Variants in CHSY3 observed in about 807,000 individuals in gnomAD.
CHSY3 encodes N-acetylgalactosaminyl-proteoglycan 3-beta-glucuronosyltransferase 3.
CHSY3 carries 35 observed loss-of-function variants against 67.2 expected under a neutral mutation model. That is an observed-to-expected ratio of 0.52 (90% CI 0.40 to 0.69). The LOEUF (loss-of-function observed/expected upper bound fraction) is 0.69, where lower values mean the gene tolerates loss of function less well. Among genes scored for constraint, CHSY3 ranks in the 30% least tolerant of loss-of-function variants. The probability of loss-of-function intolerance (pLI) is 0.00; values close to 1 mark genes in which losing one functional copy is unlikely to be tolerated. For missense variants in CHSY3, 1,069 were observed against 1,138.5 expected (o/e 0.94, Z 0.88); for synonymous variants, 474 against 434.7 (o/e 1.09, Z -1.12).
At chr5:130,052,726 C>A (rs1329316077) in intron 2 of CHSY3, among the ~76,000 whole-genome samples, 1 of 152,120 alleles carries the variant, frequency 6.6e-6, no homozygotes, top group Non-Finnish European at 1.5e-5. Flanking sequence ...AGGCTTTTCA[C>A]ATCTTAATAC....
chr5:130,090,737 C>T (rs897856398), intron 2 of CHSY3, among the ~76,000 whole-genome samples: 2 of 152,076 alleles, frequency 1.3e-5, no homozygotes, highest in African/African-American at 2.4e-5. Flanking sequence ...GAGTTTGTTT[C>T]CCGTTAAGAC....
intron 2 of CHSY3, among the ~76,000 whole-genome samples, chr5:130,103,642 T>C (rs1170794110): frequency 6.6e-6 from 1 of 152,010 alleles, no homozygotes; most frequent in Non-Finnish European, 1.5e-5. Context: ...TGTGTATACA[T>C]GTATGAATTA....
chr5:130,153,002 G>A (rs527515121), intron 2 of CHSY3, among the ~76,000 whole-genome samples: 9 of 152,158 alleles, frequency 5.9e-5, no homozygotes, highest in African/African-American at 1.4e-4. Flanking sequence ...AGGCTGAGGC[G>A]GGCAGATCAC....
intron 2 of CHSY3, among the ~76,000 whole-genome samples, chr5:130,075,167 C>T (rs1766210236): frequency 1.3e-5 from 2 of 152,082 alleles, no homozygotes; most frequent in African/African-American, 2.4e-5. Flanking sequence ...TAAAATGTTT[C>T]AGGCTTAGAG....
chr5:129,954,879 A>T (rs185999792), intron 2 of CHSY3, among the ~76,000 whole-genome samples: 14 of 151,782 alleles, frequency 9.2e-5, no homozygotes, highest in African/African-American at 2.7e-4. Context: ...ATATATATAT[A>T]TTTTTTTGAG....
At chr5:129,920,016 T>G (rs1485662977) in intron 2 of CHSY3, among the ~76,000 whole-genome samples, 1 of 152,170 alleles carries the variant, frequency 6.6e-6, no homozygotes, top group Non-Finnish European at 1.5e-5. Context: ...ATTAACCATG[T>G]TTACCATGCT....
chr5:130,048,352 C>T (rs1765217268), intron 2 of CHSY3, among the ~76,000 whole-genome samples: 1 of 151,968 alleles, frequency 6.6e-6, no homozygotes, highest in Non-Finnish European at 1.5e-5. Context: ...TATTCCTGCT[C>T]CTTGATGAGT....
chr5:130,035,225 G>T (rs1201967364), intron 2 of CHSY3, among the ~76,000 whole-genome samples: 1 of 151,984 alleles, frequency 6.6e-6, no homozygotes. Flanking sequence ...TGGTAACTTG[G>T]GCCAGGATAA....
At chr5:130,087,691 C>T (rs1173169209) in intron 2 of CHSY3, among the ~76,000 whole-genome samples, 1 of 152,002 alleles carries the variant, frequency 6.6e-6, no homozygotes, top group Non-Finnish European at 1.5e-5. Context: ...AGGAGAACTA[C>T]AAACCACTGC....
intron 2 of CHSY3, among the ~76,000 whole-genome samples, chr5:130,053,177 G>T (rs959511864): frequency 6.6e-6 from 1 of 152,136 alleles, no homozygotes; most frequent in Non-Finnish European, 1.5e-5. Context: ...TAGCTGGTCT[G>T]TATAGAGTTA....
intron 2 of CHSY3, among the ~76,000 whole-genome samples, chr5:130,011,836 A>G (rs933411609): frequency 1.3e-5 from 2 of 152,338 alleles, no homozygotes; most frequent in Admixed American, 1.3e-4. Context: ...GCTGAGAGCT[A>G]AATCAAGAAG....
chr5:130,120,794 G>T (rs1411405097), intron 2 of CHSY3, among the ~76,000 whole-genome samples: 1 of 152,174 alleles, frequency 6.6e-6, no homozygotes, highest in East Asian at 1.9e-4. Flanking sequence ...GTGAGGGAGG[G>T]AGAAAACATT....
At chr5:130,025,503 G>T (rs1188238853) in intron 2 of CHSY3, among the ~76,000 whole-genome samples, 2 of 152,064 alleles carry the variant, frequency 1.3e-5, no homozygotes, top group African/African-American at 4.8e-5. Flanking sequence ...CGGAATCAAA[G>T]AGAAACAGTG....
intron 2 of CHSY3, among the ~76,000 whole-genome samples, chr5:130,044,437 G>C (rs762158338): frequency 1.3e-5 from 2 of 152,046 alleles, no homozygotes; most frequent in Admixed American, 1.3e-4. Flanking sequence ...AGATTGGTGA[G>C]TACTGAAGCA....
chr5:130,147,522 C>T (rs867835766), intron 2 of CHSY3, among the ~76,000 whole-genome samples: 1 of 152,174 alleles, frequency 6.6e-6, no homozygotes, highest in Non-Finnish European at 1.5e-5. Flanking sequence ...ACTTCTATAA[C>T]ATCAAGCATT....
At chr5:129,935,557 A>G (rs1217101933) in intron 2 of CHSY3, among the ~76,000 whole-genome samples, 1 of 152,202 alleles carries the variant, frequency 6.6e-6, no homozygotes, top group East Asian at 1.9e-4. Flanking sequence ...GGGATAACAA[A>G]TAGTTGCATA....
intron 2 of CHSY3, among the ~76,000 whole-genome samples, chr5:129,958,352 T>C (rs940883206): frequency 6.6e-6 from 1 of 152,084 alleles, no homozygotes; most frequent in Non-Finnish European, 1.5e-5. Flanking sequence ...AGCTGGGCCT[T>C]TCTTGGGAGT....
chr5:130,134,799 T>C (rs1488873590), intron 2 of CHSY3, among the ~76,000 whole-genome samples: 1 of 152,074 alleles, frequency 6.6e-6, no homozygotes, highest in African/African-American at 2.4e-5. Flanking sequence ...AATTGCACCA[T>C]CATCTCTGGT....
At chr5:130,055,390 T>C (rs1765498155) in intron 2 of CHSY3, among the ~76,000 whole-genome samples, 1 of 151,054 alleles carries the variant, frequency 6.6e-6, no homozygotes, top group Admixed American at 6.6e-5. Context: ...CTACAATAAG[T>C]AAATACATCC....
Sources: gnomAD v4.1 joint callset for allele counts (sites outside exome capture counted in the v4.1 genomes callset) on GRCh38, gnomAD v4.1.1 for gene constraint, MANE v1.5 for transcripts, NCBI Gene and HGNC (gene_info 2026-07-23, HGNC 2026-07-21) for gene names.